Variants in ZNF282 observed in about 807,000 individuals in gnomAD.
ZNF282 encodes the protein HTLV-I U5 repressive element-binding protein 1.
A neutral mutation model predicts 61.9 loss-of-function variants in ZNF282; 30 were observed. That is an observed-to-expected ratio of 0.48 (90% CI 0.36 to 0.66). The LOEUF (loss-of-function observed/expected upper bound fraction) is 0.66. ZNF282 is among the 30% of genes least tolerant of loss of function. The pLI is 0.00. For synonymous variants in ZNF282, 396 were observed against 405.0 expected, an observed-to-expected ratio of 0.98 and a Z score of 0.27; for missense variants, 788 against 941.4, an observed-to-expected ratio of 0.84 and a Z score of 2.13.
Position 149,224,609 on chromosome 7 carries a change from G to A in ZNF282, c.1978G>A (p.Ala660Thr), listed in dbSNP as rs1352175146. 4 of 1,552,178 alleles carry A rather than the reference G, an allele frequency of 2.6e-6. No homozygotes were observed. In the Admixed American group the frequency reaches 5.7e-5, roughly 22 times the overall value. Reference sequence around the variant, plus strand: ...GCACAGCGGCGGCCCGGGCCCCGGCGCCCCACGGCAGCTCCCGCCGCCTCC... The same window carrying A: ...GCACAGCGGCGGCCCGGGCCCCGGCACCCCACGGCAGCTCCCGCCGCCTCC... ...RVHSGGPGPG[A>T]PRQLPPPPER... The change falls in exon 8 of 8, where the codon GCC (alanine) becomes ACC (threonine). Residue 660 changes from alanine (A) to threonine (T), a missense_variant. Physicochemically the swap from Ala to Thr is moderately conservative, Grantham distance 58. Around this residue, in one of 3 missense-constraint regions of ZNF282, gnomAD observed 559 missense variants for 642.0 expected, o/e 0.87. Coordinates refer to ENST00000610704, the MANE Select transcript of ZNF282 (RefSeq NM_003575.4).
chr7:149,215,010 C>G (rs73725461), intron 7 of ZNF282, among the ~76,000 whole-genome samples: 8 of 152,002 alleles, frequency 5.3e-5, no homozygotes, highest in African/African-American at 1.9e-4. Context: ...TCTGAAGCTC[C>G]CTTATTGACC....
At chr7:149,218,995 A>T (rs1442091623) in intron 7 of ZNF282, among the ~76,000 whole-genome samples, 4 of 152,150 alleles carry the variant, frequency 2.6e-5, no homozygotes, top group Non-Finnish European at 4.4e-5. Flanking sequence ...GAGCATTGCC[A>T]ACCAGGGAAG....
At chr7:149,219,182 T>G (rs1202395) in intron 7 of ZNF282, among the ~76,000 whole-genome samples, 2 of 152,056 alleles carry the variant, frequency 1.3e-5, no homozygotes, top group Non-Finnish European at 2.9e-5. Flanking sequence ...GGCAGCCCCA[T>G]CCTTTGTCAT....
At chr7:149,222,096 A>G (rs1165547049) in intron 7 of ZNF282, among the ~76,000 whole-genome samples, 2 of 151,606 alleles carry the variant, frequency 1.3e-5, no homozygotes, top group East Asian at 2.0e-4. Context: ...TGGGAGGGGG[A>G]AGGACTGGGC....
In ZNF282 at chr7:149,198,230, A is replaced by G. The variant is rs188105014; in HGVS notation, c.166-103A>G. 285 of 1,385,990 alleles carry G rather than the reference A, an allele frequency of 2.1e-4. No homozygotes were observed. In the African/African-American group the frequency reaches 3.6e-3, roughly 17 times the overall value. The allele number at this position is 1,385,990 out of a possible 1,614,324, so 85.9% of individuals were successfully genotyped here. A position where few individuals can be genotyped will look rare whatever the true frequency, so the allele number is the denominator to read the frequency against. On this transcript the variant is annotated intron_variant, in intron 1 of 7. Transcript: ENST00000610704. The surrounding 1 kb of genome is among the most constrained non-coding windows in gnomAD (Gnocchi z 4.3). ...GAGTTACGGGGGCCTGGCAGAAGAA[A>G]GACGACATGTAGCATCTGATTAGTT...
In ZNF282 at chr7:149,224,408, CAGCGGCTGCACACGGGCG is replaced by C; in HGVS notation, c.1784_1801del (p.Leu595_Arg600del). On this transcript the variant is annotated inframe_deletion, in exon 8 of 8. Coordinates refer to ENST00000610704, the MANE Select transcript of ZNF282 (RefSeq NM_003575.4). The stretch of plus-strand genomic sequence containing the variant: ...CCGTAAGGAGCACCTGCAGAACCAC[CAGCGGCTGCACACGGGCG>C]AGCGGCCTTTCCAATGTGCACTGTG... 1 of 1,614,032 alleles carries C rather than the reference CAGCGGCTGCACACGGGCG, an allele frequency of 6.2e-7. No homozygotes were observed. The highest frequency in any genetic ancestry group is 1.1e-5 in the South Asian group (1 of 91,090).
intron 2 of ZNF282, among the ~76,000 whole-genome samples, chr7:149,201,253 C>T (rs1355732706): frequency 6.6e-6 from 1 of 152,158 alleles, no homozygotes; most frequent in Non-Finnish European, 1.5e-5. Flanking sequence ...CAGAATATAT[C>T]CACAACCTGG....
rs540701839 is a variant in ZNF282 at position 149,221,214 on chromosome 7, T to C, written c.1181-2598T>C. On this transcript the variant is annotated intron_variant, in intron 7 of 7. Coordinates refer to ENST00000610704, the MANE Select transcript of ZNF282 (RefSeq NM_003575.4). ...GATTACAGGCATGAGCCACAGTGCC[T>C]GGCCAGCTTGTGCAGTTTTTCAGCT... Among the ~76,000 whole-genome samples the C allele has an allele frequency of 7.2e-5, 11 of 152,356 alleles. No individual in the cohort carries two copies. In the East Asian group the frequency reaches 1.9e-3, roughly 27 times the overall value.
rs1281561401 is a variant in ZNF282 at position 149,198,271 on chromosome 7, C to G, written c.166-62C>G. 6.5e-7 allele frequency: 1 copy of G among 1,528,628 alleles called. No homozygotes were observed. Among genetic ancestry groups the G allele is most frequent in the Non-Finnish European group, 8.8e-7 (1 of 1,136,276 alleles). 94.7% of individuals were successfully genotyped at this position (1,528,628 alleles called of 1,614,324 possible). On this transcript the variant is annotated intron_variant, in intron 1 of 7. Coordinates refer to ENST00000610704, the MANE Select transcript of ZNF282 (RefSeq NM_003575.4). The surrounding 1 kb of genome is among the most constrained non-coding windows in gnomAD (Gnocchi z 4.3). ...CTGATTAGTTGACCCCTGTTCCCAG[C>G]TGACTTCCCCGGCTCACACAAGGTC...
chr7:149,206,650 G>A, intron 2 of ZNF282, 46 bp from the exon 3 acceptor site: 1 of 1,611,032 alleles, frequency 6.2e-7, no homozygotes, highest in African/African-American at 1.3e-5. Flanking sequence ...GGAGGTGGTG[G>A]GGAGGAACAG....
At chr7:149,218,616 A>G (rs1262873628) in intron 7 of ZNF282, among the ~76,000 whole-genome samples, 3 of 152,066 alleles carry the variant, frequency 2.0e-5, no homozygotes, top group Non-Finnish European at 4.4e-5. Flanking sequence ...GTGACTTCCA[A>G]CATCAGCGAC....
chr7:149,205,712 T>C (rs1289853907), intron 2 of ZNF282, among the ~76,000 whole-genome samples: 4 of 152,210 alleles, frequency 2.6e-5, no homozygotes, highest in Non-Finnish European at 5.9e-5. Context: ...CTCACCATGC[T>C]GAGTAGTGGT....
intron 6 of ZNF282, 84 bp downstream of exon 6, chr7:149,212,555 G>T: frequency 9.1e-7 from 1 of 1,101,188 alleles, no homozygotes; most frequent in Non-Finnish European, 1.3e-6. Flanking sequence ...TTGTGTTTAT[G>T]CAGCTGATAC....
Position 149,224,047 on chromosome 7 carries a change from CGGGGGCGGCGGGGGCGATGGGGGCGGT to C in ZNF282, c.1428_1454del (p.Gly477_Gly485del), listed in dbSNP as rs1796312685. ...CGCCGCCGGGTGGGGACCGCAGCAC[CGGGGGCGGCGGGGGCGATGGGGGCGGT>C]GGGGGCGGCGGCGCGGAGGCGGGGA... is the stretch of plus-strand genomic sequence containing the variant. On this transcript the variant is annotated inframe_deletion, in exon 8 of 8. Transcript: ENST00000610704. The C allele has an allele frequency of 1.9e-6, 2 of 1,058,234 alleles. No homozygotes were observed. Among genetic ancestry groups the C allele is most frequent in the Non-Finnish European group, 1.2e-6 (1 of 849,710 alleles). The allele number at this position is 1,058,234 out of a possible 1,614,324, so 65.6% of individuals were successfully genotyped here.
At chr7:149,207,608 C>T in intron 4 of ZNF282, 138 bp downstream of exon 4, 3 of 1,326,412 alleles carry the variant, frequency 2.3e-6, no homozygotes, top group Non-Finnish European at 3.0e-6. Context: ...GGGGCCAGTT[C>T]TGCCAGAGTC....
intron 7 of ZNF282, among the ~76,000 whole-genome samples, chr7:149,220,186 A>T (rs58692224): frequency 6.6e-6 from 1 of 151,918 alleles, no homozygotes; most frequent in East Asian, 1.9e-4. Context: ...AGACGGGCGG[A>T]TCCTGAGGTC....
chr7:149,203,394 C>T (rs563631909), intron 2 of ZNF282, among the ~76,000 whole-genome samples: 1 of 152,324 alleles, frequency 6.6e-6, no homozygotes, highest in East Asian at 1.9e-4. Flanking sequence ...GTCATCCAGG[C>T]TGGAGTACAG....
chr7:149,214,374 T>G (rs1030921767), intron 7 of ZNF282, among the ~76,000 whole-genome samples: 2 of 152,132 alleles, frequency 1.3e-5, no homozygotes, highest in African/African-American at 4.8e-5. Flanking sequence ...AAGGTCACAT[T>G]CTGAAGTCCT....
chr7:149,198,431 G>C lies in ZNF282; in HGVS notation c.264G>C (p.Glu88Asp). 1 of 1,614,214 alleles carries C rather than the reference G, an allele frequency of 6.2e-7. No homozygotes were observed. Among genetic ancestry groups the C allele is most frequent in the African/African-American group, 1.3e-5 (1 of 75,048 alleles). Residue 88 changes from glutamate to aspartate, a missense_variant, in exon 2 of 8, where the codon GAG becomes GAC. Glu to Asp is a conservative substitution (Grantham distance 45). Coordinates refer to ENST00000610704, the MANE Select transcript of ZNF282 (RefSeq NM_003575.4). The surrounding 1 kb of genome is among the most constrained non-coding windows in gnomAD (Gnocchi z 4.3). ...TCTTCCCCGACCGCATGATGCGAGA[G>C]CCCCAGTTGCCCACAGCAGAGATCT... ...APVFPDRMMR[E>D]PQLPTAEISL...
Sources: gnomAD v4.1 joint callset for allele counts (sites outside exome capture counted in the v4.1 genomes callset) on GRCh38, gnomAD v4.1.1 for gene constraint, gnomAD v4.1.1 regional missense constraint, Gnocchi (gnomAD v3.1) non-coding constraint, MANE v1.5 for transcripts, NCBI Gene and HGNC (gene_info 2026-07-23, HGNC 2026-07-21) for gene names.